The following FAT1 variants were observed in gnomAD, a reference collection of about 807,000 sequenced individuals.
FAT1 encodes FAT atypical cadherin 1.
Under a neutral mutation model 329.8 loss-of-function variants are expected in FAT1, and 171 were observed. That is an observed-to-expected ratio of 0.52 (90% CI 0.46 to 0.59). The LOEUF is 0.59. Ranked by LOEUF, FAT1 falls within the 20% of genes least tolerant of loss-of-function variation. The probability of loss-of-function intolerance (pLI) is 0.00; values close to 1 mark genes in which losing one functional copy is unlikely to be tolerated. For missense variants in FAT1, 5,672 were observed against 5,774.4 expected (o/e 0.98, Z 0.57); for synonymous variants, 2,233 against 2,228.6 (o/e 1.00, Z -0.06).
chr4:186,595,910 C>A, intron 25 of FAT1, 84 bp from the exon 26 acceptor site: 1 of 1,390,246 alleles, frequency 7.2e-7, no homozygotes, highest in South Asian at 1.3e-5. Context: ...CCATGCATTA[C>A]CCAACGATGG....
chr4:186,636,705 A>G lies in FAT1; in HGVS notation c.3852T>C (p.Asn1284=), dbSNP rs770135503. The G allele has an allele frequency of 1.2e-6, 2 of 1,613,690 alleles. No individual in the cohort carries two copies. Among genetic ancestry groups the G allele is most frequent in the African/African-American group, 1.3e-5 (1 of 74,946 alleles). ...CTTCGATGCTGTAGGAGATTTCTGC[A>G]TTGGGGCCCTCATCCTTGTCGGTGG... ...VIATDKDEGP[N]AEISYSIEDG... Residue 1284 remains asparagine, a synonymous_variant, in exon 5 of 27, where the codon AAT becomes AAC. Coordinates refer to ENST00000441802, the MANE Select transcript of FAT1 (RefSeq NM_005245.4).
rs1738603761 is a variant in FAT1, at chr4:186,597,804, G to A, written c.12258-12C>T. 6.2e-7 allele frequency: 1 copy of A among 1,608,100 alleles called. No individual in the cohort carries two copies. Among genetic ancestry groups the A allele is most frequent in the Non-Finnish European group, 8.5e-7 (1 of 1,174,862 alleles). ...GACTAAGCTGACACCTGAAGAGTAA[G>A]GAGAAACAGACATAAACCTCATGAT... On this transcript the variant is annotated splice_polypyrimidine_tract_variant and intron_variant, in intron 23 of 26. Transcript: ENST00000441802.
intron 7 of FAT1, among the ~76,000 whole-genome samples, chr4:186,630,226 T>C (rs1375774006): frequency 2.6e-5 from 4 of 152,060 alleles, no homozygotes; most frequent in Admixed American, 6.5e-5. Flanking sequence ...TTTTTAAGAG[T>C]CCAGAGACTG....
chr4:186,600,408 A>T (rs967568912), intron 21 of FAT1, 48 bp from the exon 22 acceptor site: 1 of 1,482,682 alleles, frequency 6.7e-7, no homozygotes, highest in East Asian at 2.4e-5. Flanking sequence ...AGAACCTTCA[A>T]TGAGAGCACC....
chr4:186,681,493 C>T (rs985066690), intron 2 of FAT1, among the ~76,000 whole-genome samples: 1 of 152,130 alleles, frequency 6.6e-6, no homozygotes. Flanking sequence ...ATGATGGAAG[C>T]GGTGTTCGGA....
chr4:186,628,845 T>C, intron 7 of FAT1, 82 bp from the exon 8 acceptor site: 2 of 1,375,436 alleles, frequency 1.5e-6, no homozygotes, highest in South Asian at 1.4e-5. Context: ...ACGAAAGTCA[T>C]GTATATTGAA....
chr4:186,666,255 C>G (rs371841895), intron 2 of FAT1, among the ~76,000 whole-genome samples: 1 of 152,086 alleles, frequency 6.6e-6, no homozygotes, highest in South Asian at 2.1e-4. Flanking sequence ...CTGGTTCCTC[C>G]GTACAGCAGA....
At position 186,601,444 on chromosome 4, in the gene FAT1, G is replaced by T. The variant is rs1298809577; in HGVS notation, c.11483-18C>A. The T allele has an allele frequency of 1.3e-6, 2 of 1,592,160 alleles. No homozygotes were observed. Among genetic ancestry groups the T allele is most frequent in the Non-Finnish European group, 1.7e-6 (2 of 1,162,788 alleles). ...TGAACTCCCTGTGAATCACACAGAG[G>T]AAAAAATAAACCAGAACCAAGTTTA... On this transcript the variant is annotated intron_variant, in intron 20 of 26. Coordinates refer to ENST00000441802, the MANE Select transcript of FAT1 (RefSeq NM_005245.4).
intron 6 of FAT1, among the ~76,000 whole-genome samples, chr4:186,634,680 G>C (rs1740750799): frequency 6.6e-6 from 1 of 152,032 alleles, no homozygotes; most frequent in Admixed American, 6.5e-5. Context: ...AACAAAACAA[G>C]GCTTTTATTT....
At chr4:186,611,235 C>T in intron 14 of FAT1, 151 bp downstream of exon 14, 1 of 628,606 alleles carries the variant, frequency 1.6e-6, no homozygotes, top group Non-Finnish European at 2.6e-6. Flanking sequence ...AACATTCAAT[C>T]CCACTGTAAA....
intron 2 of FAT1, among the ~76,000 whole-genome samples, chr4:186,694,230 T>C (rs1560997884): frequency 6.6e-6 from 1 of 152,168 alleles, no homozygotes; most frequent in Non-Finnish European, 1.5e-5. Flanking sequence ...CTAACCACCA[T>C]CTCCCCATTT....
intron 13 of FAT1, 98 bp downstream of exon 13, chr4:186,613,011 G>A (rs1226039602): frequency 5.6e-6 from 4 of 710,690 alleles, no homozygotes; most frequent in African/African-American, 1.8e-5. Flanking sequence ...TGCATGAGGT[G>A]GAGTGAGTGG....
chr4:186,676,859 G>A (rs1323880007), intron 2 of FAT1, among the ~76,000 whole-genome samples: 6 of 152,134 alleles, frequency 3.9e-5, no homozygotes, highest in Non-Finnish European at 8.8e-5. Flanking sequence ...ACAGAAAACC[G>A]CAACTATTGC....
intron 2 of FAT1, among the ~76,000 whole-genome samples, chr4:186,686,969 G>A (rs761624571): frequency 3.1e-4 from 47 of 152,174 alleles, no homozygotes; most frequent in African/African-American, 1.1e-3. Flanking sequence ...CTGATTTTAC[G>A]AAGTAGCATC....
chr4:186,608,627 C>G (rs766145801), intron 16 of FAT1, among the ~76,000 whole-genome samples: 2 of 152,120 alleles, frequency 1.3e-5, no homozygotes, highest in Non-Finnish European at 2.9e-5. Flanking sequence ...GAGCAACTGA[C>G]CTTCCTCAGC....
chr4:186,654,752 A>G (rs1236146175), intron 3 of FAT1, among the ~76,000 whole-genome samples: 2 of 152,140 alleles, frequency 1.3e-5, no homozygotes, highest in Non-Finnish European at 2.9e-5. Flanking sequence ...CTCTACAAAA[A>G]ATATAAAAAC....
chr4:186,722,855 T>C (rs926684744), intron 1 of FAT1, among the ~76,000 whole-genome samples: 1 of 152,098 alleles, frequency 6.6e-6, no homozygotes, highest in Non-Finnish European at 1.5e-5. Flanking sequence ...CACCCGGGAA[T>C]TGCTTAACAA....
At chr4:186,685,997 TGAC>T (rs1238693474) in intron 2 of FAT1, among the ~76,000 whole-genome samples, 1 of 152,214 alleles carries the variant, frequency 6.6e-6, no homozygotes, top group Non-Finnish European at 1.5e-5. Context: ...GACTCACTTA[TGAC>T]AATCCTGGAA....
rs2126493012 is a variant in FAT1, at chr4:186,618,264, A to G, written c.8322T>C (p.Tyr2774=). 1 of 1,614,036 alleles carries G rather than the reference A, an allele frequency of 6.2e-7. No homozygotes were observed. The highest frequency in any genetic ancestry group is 8.5e-7 in the Non-Finnish European group (1 of 1,179,896). ...TGCACCTGGCCAGTATGGAAAACTG[A>G]TACCACTTAGTTGTCTCATGATCAA... The part of the protein sequence containing the change: ...KSLDHETTKW[Y]QFSILARCTQ... Residue 2774 remains tyrosine, a synonymous_variant, in exon 10 of 27, where the codon TAT becomes TAC. Transcript: ENST00000441802.
Sources: allele counts gnomAD v4.1 joint callset (sites outside exome capture counted in the v4.1 genomes callset), GRCh38; gene constraint gnomAD v4.1.1; transcripts MANE v1.5; gene names NCBI Gene and HGNC (gene_info 2026-07-23, HGNC 2026-07-21).